The following ZNF679 variants were observed in gnomAD, a reference collection of about 807,000 sequenced individuals.
The protein encoded by ZNF679 is zinc finger protein 679, also known as hypothetical protein MGC42415.
Under a neutral mutation model 13.4 loss-of-function variants are expected in ZNF679, and 10 were observed. The observed-to-expected ratio is 0.75, with a 90% confidence interval of 0.46 to 1.27. ZNF679 has a LOEUF of 1.27. ZNF679 is among the 50% of genes most tolerant of loss of function. ZNF679 has a pLI of 0.00. For missense variants in ZNF679, 525 were observed against 477.8 expected (o/e 1.10, Z -0.92); for synonymous variants, 179 against 162.5 (o/e 1.10, Z -0.77).
At chr7:64,263,060 G>A (rs999651697) in intron 4 of ZNF679, among the ~76,000 whole-genome samples, 1 of 151,856 alleles carries the variant, frequency 6.6e-6, no homozygotes, top group South Asian at 2.1e-4. Flanking sequence ...ATCAGTTTTG[G>A]TTAGAAAAAA....
chr7:64,239,955 C>T (rs1335387499), intron 1 of ZNF679, among the ~76,000 whole-genome samples: 1 of 152,138 alleles, frequency 6.6e-6, no homozygotes, highest in Admixed American at 6.5e-5. Context: ...CCACAAGTGG[C>T]ACTGTGGCAT....
At chr7:64,257,827 T>C (rs1788023269) in intron 2 of ZNF679, among the ~76,000 whole-genome samples, 1 of 152,238 alleles carries the variant, frequency 6.6e-6, no homozygotes, top group African/African-American at 2.4e-5. Flanking sequence ...TTTCTCTCGC[T>C]AATGCTAATA....
At chr7:64,230,621 T>C (rs933959146) in intron 1 of ZNF679, among the ~76,000 whole-genome samples, 1 of 151,746 alleles carries the variant, frequency 6.6e-6, no homozygotes, top group African/African-American at 2.4e-5. Context: ...TATATGTCAC[T>C]GTCTCGTGTG....
rs1788065065 is a variant in ZNF679 at position 64,260,755 on chromosome 7, T to C, written c.167-79T>C. ...TTTTCTAGAATTTTCTATTATATCC[T>C]CTTTACTAAGCATAATACTCGTTTG... On this transcript the variant is annotated intron_variant, in intron 3 of 4. Coordinates refer to ENST00000421025, the MANE Select transcript of ZNF679 (RefSeq NM_153363.3). 6.5e-6 allele frequency: 9 copies of C among 1,390,748 alleles called. No homozygotes were observed. In the South Asian group the frequency reaches 1.1e-4, roughly 18 times the overall value. The allele number at this position is 1,390,748 out of a possible 1,614,324, so 86.2% of individuals were successfully genotyped here.
chr7:64,246,186 A>G (rs1389858757), intron 1 of ZNF679, among the ~76,000 whole-genome samples: 4 of 152,184 alleles, frequency 2.6e-5, no homozygotes, highest in African/African-American at 9.6e-5. Flanking sequence ...CTTTTATTAA[A>G]AGGGACCTTT....
chr7:64,251,517 C>G (rs1228866636), intron 2 of ZNF679, among the ~76,000 whole-genome samples: 1 of 152,112 alleles, frequency 6.6e-6, no homozygotes, highest in Non-Finnish European at 1.5e-5. Flanking sequence ...GTAAAAAAAT[C>G]TATGTGCCTC....
At chr7:64,240,542 G>A (rs184557469) in intron 1 of ZNF679, among the ~76,000 whole-genome samples, 4 of 152,306 alleles carry the variant, frequency 2.6e-5, no homozygotes, top group Non-Finnish European at 4.4e-5. Flanking sequence ...GAACAAAGGT[G>A]ACATTGTGAC....
intron 4 of ZNF679, 103 bp from the exon 5 acceptor site, chr7:64,265,793 C>T (rs1788135571): frequency 2.3e-6 from 3 of 1,314,816 alleles, no homozygotes; most frequent in African/African-American, 1.5e-5. Context: ...ATTTGATATG[C>T]CATTTTGCTA....
At chr7:64,246,559 C>T (rs558009682) in intron 1 of ZNF679, among the ~76,000 whole-genome samples, 48 of 152,030 alleles carry the variant, frequency 3.2e-4, no homozygotes, top group Non-Finnish European at 5.1e-4. Context: ...CCCATCTCTA[C>T]TAAAAATACA....
intron 1 of ZNF679, among the ~76,000 whole-genome samples, chr7:64,234,963 G>C (rs560668108): frequency 6.6e-5 from 10 of 152,114 alleles, no homozygotes; most frequent in African/African-American, 1.9e-4. Flanking sequence ...TCAGCCTCTC[G>C]AGTAGCTGGG....
intron 1 of ZNF679, among the ~76,000 whole-genome samples, chr7:64,238,894 A>G (rs1787759694): frequency 6.6e-6 from 1 of 152,154 alleles, no homozygotes; most frequent in Non-Finnish European, 1.5e-5. Context: ...TACAGGCATT[A>G]CACGTAGGCC....
intron 1 of ZNF679, among the ~76,000 whole-genome samples, chr7:64,239,721 GTGCCC>G (rs923593309): frequency 6.6e-6 from 1 of 152,116 alleles, no homozygotes; most frequent in Non-Finnish European, 1.5e-5. Flanking sequence ...TATCTTATTT[GTGCCC>G]TGCCCTGAAG....
chr7:64,251,520 T>C (rs781021967), intron 2 of ZNF679, among the ~76,000 whole-genome samples: 20 of 152,202 alleles, frequency 1.3e-4, no homozygotes, highest in Non-Finnish European at 2.5e-4. Flanking sequence ...AAAAAATCTA[T>C]GTGCCTCTTC....
Position 64,266,439 on chromosome 7 carries a change from C to T in ZNF679, c.806C>T (p.Thr269Ile), listed in dbSNP as rs1315752635. The change falls in exon 5 of 5, where the codon ACA becomes ATA. Residue 269 changes from threonine (T) to isoleucine (I), a missense_variant. By Grantham distance (89) the Thr-to-Ile change is moderately conservative. Transcript: ENST00000421025. Reference sequence around the variant, plus strand: ...ATTCATACTGGAGAAAAACCCTACACATGTGAAGAATGTGGCCAAGCCTTT... The same window carrying T: ...ATTCATACTGGAGAAAAACCCTACATATGTGAAGAATGTGGCCAAGCCTTT... ...RRIHTGEKPY[T>I]CEECGQAFSR... 6.2e-7 allele frequency: 1 copy of T among 1,611,448 alleles called. No homozygotes were observed. The highest frequency in any genetic ancestry group is 2.3e-5 in the East Asian group (1 of 44,080).
At chr7:64,231,219 A>G (rs988059666) in intron 1 of ZNF679, among the ~76,000 whole-genome samples, 20 of 152,204 alleles carry the variant, frequency 1.3e-4, no homozygotes, top group African/African-American at 4.6e-4. Context: ...AATCTTTTCT[A>G]TTGTCTTGGT....
intron 4 of ZNF679, among the ~76,000 whole-genome samples, chr7:64,264,253 T>TA (rs56375415): frequency 0.34 from 50,867 of 150,890 alleles, 10,199 homozygotes; most frequent in East Asian, 0.82. Context: ...TTTAAACTGG[T>TA]AAAAAAAAAT....
intron 1 of ZNF679, among the ~76,000 whole-genome samples, chr7:64,238,672 G>A (rs1196365478): frequency 6.6e-6 from 1 of 152,200 alleles, no homozygotes; most frequent in Non-Finnish European, 1.5e-5. Flanking sequence ...ACAGGCATGA[G>A]CCACTGTGCC....
At chr7:64,260,751 A>G (rs770847685) in intron 3 of ZNF679, 83 bp from the exon 4 acceptor site, 14 of 1,350,166 alleles carry the variant, frequency 1.0e-5, no homozygotes, top group Non-Finnish European at 1.3e-5. Context: ...TTTCTATTAT[A>G]TCCTCTTTAC....
At chr7:64,248,750 C>T (rs373600309) in intron 1 of ZNF679, among the ~76,000 whole-genome samples, 43 of 152,188 alleles carry the variant, frequency 2.8e-4, no homozygotes, top group South Asian at 2.1e-3. Flanking sequence ...ATGCATATGA[C>T]GTTATACACA....
Sources: gnomAD v4.1 joint callset for allele counts (sites outside exome capture counted in the v4.1 genomes callset) on GRCh38, gnomAD v4.1.1 for gene constraint, MANE v1.5 for transcripts, NCBI Gene and HGNC (gene_info 2026-07-23, HGNC 2026-07-21) for gene names.